CTNNA2: variants seen among roughly 807,000 people sequenced by gnomAD.
CTNNA2 encodes catenin alpha-2.
CTNNA2 carries 42 observed loss-of-function variants against 101.0 expected under a neutral mutation model. The ratio of observed to expected loss-of-function variants is 0.42; its 90% CI spans 0.32 to 0.54. The LOEUF (loss-of-function observed/expected upper bound fraction) is 0.54. Ranked by LOEUF, CTNNA2 falls within the 20% of genes least tolerant of loss-of-function variation. CTNNA2 has a pLI of 0.14. For synonymous variants in CTNNA2, 450 were observed against 456.4 expected (o/e 0.99, Z 0.18); for missense variants, 871 against 1,223.1 (o/e 0.71, Z 4.29).
chr2:79,213,694 C>G lies in CTNNA2; in HGVS notation c.-406+15618C>G, dbSNP rs138721352. ...AGACAGATATAGTCATGAGGGTCAG[C>G]TGTGGTATCCAGAATAATGTGGGAG... On this transcript the variant is annotated intron_variant, in intron 2 of 21. Transcript: ENST00000466387. Among the ~76,000 whole-genome samples the G allele has an allele frequency of 1.7e-3, 256 of 152,174 alleles. 1 individual carries two copies. The highest frequency in any genetic ancestry group is 5.9e-3 in the African/African-American group (244 of 41,504).
chr2:80,430,065 A>G (rs1184480828), intron 9 of CTNNA2, among the ~76,000 whole-genome samples: 3 of 152,208 alleles, frequency 2.0e-5, no homozygotes, highest in South Asian at 2.1e-4. Flanking sequence ...AAACCTTCCA[A>G]TGGACTCAAA....
At chr2:79,689,544 G>A (rs1684152918) in intron 2 of CTNNA2, among the ~76,000 whole-genome samples, 1 of 151,870 alleles carries the variant, frequency 6.6e-6, no homozygotes, top group East Asian at 1.9e-4. Context: ...CTTTCTGTAT[G>A]CTCTGCAGTT....
intron 2 of CTNNA2, among the ~76,000 whole-genome samples, chr2:79,280,656 T>TGTGTGTGTTAGAGA: frequency 1.0e-5 from 1 of 96,760 alleles, no homozygotes; most frequent in Non-Finnish European, 2.1e-5. Flanking sequence ...TGTGTGTGTG[T>TGTGTGTGTTAGAGA]AAGAGAAAGA....
At chr2:79,610,055 A>G (rs1678163664) in intron 1 of CTNNA2, among the ~76,000 whole-genome samples, 1 of 152,198 alleles carries the variant, frequency 6.6e-6, no homozygotes, top group Non-Finnish European at 1.5e-5. Flanking sequence ...TCCAGAATGT[A>G]TAAGGAACTC....
At chr2:80,538,727 T>C (rs1351885037) in intron 9 of CTNNA2, among the ~76,000 whole-genome samples, 1 of 152,216 alleles carries the variant, frequency 6.6e-6, no homozygotes, top group African/African-American at 2.4e-5. Flanking sequence ...TGTTTCCACA[T>C]GAAATTTAAA....
intron 3 of CTNNA2, among the ~76,000 whole-genome samples, chr2:79,365,487 G>A (rs1677725791): frequency 6.6e-6 from 1 of 151,348 alleles, no homozygotes; most frequent in South Asian, 2.1e-4. Context: ...TTAGCCAGGT[G>A]TGGTGGTGCA....
intron 7 of CTNNA2, among the ~76,000 whole-genome samples, chr2:80,103,894 C>T (rs760905925): frequency 5.3e-5 from 8 of 152,256 alleles, no homozygotes; most frequent in East Asian, 1.9e-4. Context: ...GCCACCATGG[C>T]GGCTAACTTT....
At chr2:79,753,959 C>T (rs1231709873) in intron 3 of CTNNA2, among the ~76,000 whole-genome samples, 2 of 150,842 alleles carry the variant, frequency 1.3e-5, no homozygotes, top group East Asian at 3.9e-4. Context: ...ACCTCCACCT[C>T]CTGAGTTCAA....
chr2:80,455,732 A>G lies in CTNNA2; in HGVS notation c.1290+36131A>G, dbSNP rs142601995. Reference sequence around the variant, plus strand: ...CGTGCGACCTTTGAGTTTTAAAAGGAGATTCTAAGAGAAGGCCAGTGCCAT... The same window carrying G: ...CGTGCGACCTTTGAGTTTTAAAAGGGGATTCTAAGAGAAGGCCAGTGCCAT... On this transcript the variant is annotated intron_variant, in intron 9 of 18. Coordinates refer to ENST00000402739, the MANE Select transcript of CTNNA2 (RefSeq NM_001282597.3). 7.2e-5 allele frequency among the ~76,000 whole-genome samples: 11 copies of G among 152,300 alleles called. No individual in the cohort carries two copies. In the East Asian group the frequency reaches 1.4e-3, roughly 19 times the overall value.
intron 1 of CTNNA2, among the ~76,000 whole-genome samples, chr2:79,536,387 A>G (rs1024989400): frequency 1.3e-5 from 2 of 152,186 alleles, no homozygotes; most frequent in Non-Finnish European, 2.9e-5. Context: ...TGGCCATCCT[A>G]GCTAATAGTG....
chr2:80,297,545 C>G (rs1675856215), intron 7 of CTNNA2, among the ~76,000 whole-genome samples: 1 of 152,046 alleles, frequency 6.6e-6, no homozygotes, highest in Non-Finnish European at 1.5e-5. Flanking sequence ...GTAAAAAAAG[C>G]AAAAGTCTTC....
chr2:80,209,747 G>A (rs889905348), intron 7 of CTNNA2, among the ~76,000 whole-genome samples: 2 of 152,104 alleles, frequency 1.3e-5, no homozygotes, highest in Non-Finnish European at 2.9e-5. Context: ...TGCTGTACCT[G>A]CAAGTTGTTT....
chr2:79,199,258 C>T (rs1043810741), intron 2 of CTNNA2, among the ~76,000 whole-genome samples: 10 of 152,174 alleles, frequency 6.6e-5, no homozygotes, highest in Admixed American at 6.5e-5. Context: ...TTCTTTCCTG[C>T]ACCACCCCTC....
At chr2:79,813,663 C>T (rs1046165969) in intron 3 of CTNNA2, among the ~76,000 whole-genome samples, 4 of 152,042 alleles carry the variant, frequency 2.6e-5, no homozygotes, top group Middle Eastern at 3.2e-3. Context: ...CAGTGACATT[C>T]GGGTTATAAT....
At chr2:79,199,145 A>G (rs1674000253) in intron 2 of CTNNA2, among the ~76,000 whole-genome samples, 1 of 152,256 alleles carries the variant, frequency 6.6e-6, no homozygotes, top group South Asian at 2.1e-4. Context: ...TCAGATAACC[A>G]GGAACGGAAT....
At chr2:79,193,078 G>A (rs1393794804) in intron 1 of CTNNA2, among the ~76,000 whole-genome samples, 1 of 151,898 alleles carries the variant, frequency 6.6e-6, no homozygotes, top group Non-Finnish European at 1.5e-5. Context: ...GTACTGCTTT[G>A]TATAAGTTTA....
intron 7 of CTNNA2, among the ~76,000 whole-genome samples, chr2:80,125,179 C>G (rs569206577): frequency 2.0e-5 from 3 of 152,184 alleles, no homozygotes; most frequent in Admixed American, 6.5e-5. Context: ...TGTCATTTGG[C>G]CCAAATGACA....
intron 3 of CTNNA2, among the ~76,000 whole-genome samples, chr2:79,845,558 T>G (rs1378800539): frequency 6.6e-6 from 1 of 152,226 alleles, no homozygotes; most frequent in Non-Finnish European, 1.5e-5. Flanking sequence ...GAACATTTTT[T>G]TCCCTTTCAA....
chr2:79,518,029 A>ATAAC lies in CTNNA2; in HGVS notation c.-6+4825_-6+4828dup, dbSNP rs201215899. On this transcript the variant is annotated intron_variant, in intron 1 of 18. Coordinates refer to ENST00000402739, the MANE Select transcript of CTNNA2 (RefSeq NM_001282597.3). ...TTTTCTCTTTTGAGCTGAAGGATGT[A>ATAAC]TAACTATCTGTTCAATTAGGGGTTT... Among the ~76,000 whole-genome samples the ATAAC allele has an allele frequency of 7.9e-3, 1,207 of 152,318 alleles. 6 individuals are homozygous for ATAAC. The highest frequency in any genetic ancestry group is 0.027 in the African/African-American group (1,141 of 41,562).
Sources: gnomAD v4.1 joint callset for allele counts (sites outside exome capture counted in the v4.1 genomes callset) on GRCh38, gnomAD v4.1.1 for gene constraint, MANE v1.5 for transcripts, NCBI Gene and HGNC (gene_info 2026-07-23, HGNC 2026-07-21) for gene names.